The following ZFP28 variants were observed in gnomAD, a reference collection of about 807,000 sequenced individuals.
The protein encoded by ZFP28 is zinc finger protein 28 homolog.
Under a neutral mutation model 39.5 loss-of-function variants are expected in ZFP28, and 31 were observed. The observed-to-expected ratio is 0.79, with a 90% CI of 0.59 to 1.06. The LOEUF is 1.06. ZFP28 is among the 50% of genes least tolerant of loss of function. The pLI is 0.00. For missense variants in ZFP28, 925 were observed against 1,048.4 expected, an observed-to-expected ratio of 0.88 and a Z score of 1.63; for synonymous variants, 400 against 378.6, an observed-to-expected ratio of 1.06 and a Z score of -0.66.
Position 56,554,650 on chromosome 19 carries a change from G to A in ZFP28, c.1865G>A (p.Cys622Tyr). 6.2e-7 allele frequency: 1 copy of A among 1,613,530 alleles called. No individual in the cohort carries two copies. Among genetic ancestry groups the A allele is most frequent in the Non-Finnish European group, 8.5e-7 (1 of 1,179,510 alleles). The stretch of plus-strand genomic sequence containing the variant: ...GAGAAGCCTTTTGAATGTGCGGAGT[G>A]TGGAAAATCCTTCAGCATCAGTTCT... ...TGEKPFECAE[C>Y]GKSFSISSQL... The change falls in exon 8 of 8, where the codon TGT (cysteine) becomes TAT (tyrosine). Residue 622 changes from cysteine to tyrosine, a missense_variant. Physicochemically the swap from Cys to Tyr is radical, Grantham distance 194 (BLOSUM62 -2). This residue lies in a region of ZFP28 where 369 missense variants were observed against 505.5 expected (regional missense o/e 0.73). Coordinates refer to ENST00000301318, the MANE Select transcript of ZFP28 (RefSeq NM_020828.2). The surrounding 1 kb of genome is among the most constrained non-coding windows in gnomAD (Gnocchi z 6.7).
intron 6 of ZFP28, 80 bp downstream of exon 6, chr19:56,550,261 G>A (rs566558464): frequency 7.4e-7 from 1 of 1,348,534 alleles, no homozygotes; most frequent in African/African-American, 1.4e-5. Context: ...TTATGGAGGA[G>A]GGAGGGGGTG....
At chr19:56,541,911 G>C (rs1269965633) in intron 2 of ZFP28, among the ~76,000 whole-genome samples, 1 of 81,076 alleles carries the variant, frequency 1.2e-5, no homozygotes, top group African/African-American at 5.2e-5. Context: ...TTTTTTTTTA[G>C]AGACAGGGTT....
chr19:56,537,398 C>G (rs962464081), upstream of ZFP28, among the ~76,000 whole-genome samples: 4 of 152,148 alleles, frequency 2.6e-5, no homozygotes, highest in African/African-American at 9.7e-5. Context: ...ATCCACCAAA[C>G]CCCCAGCAAA....
chr19:56,543,257 A>G (rs981577792), intron 2 of ZFP28, among the ~76,000 whole-genome samples: 1 of 149,702 alleles, frequency 6.7e-6, no homozygotes, highest in South Asian at 2.1e-4. Context: ...GTAAGTATAA[A>G]GTTGCTTTTA....
intron 2 of ZFP28, among the ~76,000 whole-genome samples, chr19:56,541,874 CTAATTTTT>C (rs2044198475): frequency 7.7e-6 from 1 of 129,066 alleles, no homozygotes; most frequent in Non-Finnish European, 1.6e-5. Context: ...CCACACCTGG[CTAATTTTT>C]TTTTTTTTTT....
At chr19:56,543,883 T>C (rs1481851351) in intron 2 of ZFP28, among the ~76,000 whole-genome samples, 2 of 152,214 alleles carry the variant, frequency 1.3e-5, no homozygotes, top group African/African-American at 2.4e-5. Context: ...ACTGCTATTA[T>C]CAAAGTGGAA....
chr19:56,552,994 G>A (rs992359008), intron 7 of ZFP28: 1 of 152,140 alleles, frequency 6.6e-6, no homozygotes, highest in Admixed American at 6.5e-5. Flanking sequence ...AGTATATTAT[G>A]TGAGGTGATA....
chr19:56,542,277 C>T lies in ZFP28; in HGVS notation c.300+2561C>T, dbSNP rs1281648523. Among the ~76,000 whole-genome samples, 8 of 152,182 alleles carry T rather than the reference C, an allele frequency of 5.3e-5. No individual in the cohort carries two copies. The South Asian group carries it at 1.5e-3, about 28-fold the overall frequency. ...CAAGCAGTGCTCCCATCTCAGCCTC[C>T]GAAGTAGCTGGAATTACAGGCATGT... On this transcript the variant is annotated intron_variant, in intron 2 of 7. Transcript: ENST00000301318.
Position 56,555,135 on chromosome 19 carries a change from C to T in ZFP28, c.2350C>T (p.Pro784Ser). ...VHQRIHSGKK[P>S]YECKECRKTF... ...TCAGAGAATCCATTCTGGAAAGAAACCATATGAATGTAAGGAATGTAGGAA... is the reference window on the plus strand; with the variant it reads ...TCAGAGAATCCATTCTGGAAAGAAATCATATGAATGTAAGGAATGTAGGAA... Residue 784 changes from proline (P) to serine (S), a missense_variant, in exon 8 of 8, where the codon CCA (proline) becomes TCA (serine). Coordinates refer to ENST00000301318, the MANE Select transcript of ZFP28 (RefSeq NM_020828.2). 6.2e-7 allele frequency: 1 copy of T among 1,614,166 alleles called. No individual in the cohort carries two copies. The highest frequency in any genetic ancestry group is 8.5e-7 in the Non-Finnish European group (1 of 1,180,030).
chr19:56,551,139 G>A, intron 7 of ZFP28: 1 of 1,009,456 alleles, frequency 9.9e-7, no homozygotes, highest in Non-Finnish European at 1.2e-6. Context: ...TTCAAATAGG[G>A]CATTATAGAG....
At chr19:56,550,041 T>TA (rs1229503269) in intron 5 of ZFP28, 26 bp from the exon 6 acceptor site, 1 of 1,584,558 alleles carries the variant, frequency 6.3e-7, no homozygotes, top group Admixed American at 1.8e-5. Context: ...TGGTTTGATT[T>TA]AAAAAACGTG....
chr19:56,554,455 G>C lies in ZFP28; in HGVS notation c.1670G>C (p.Gly557Ala), dbSNP rs2044333210. The C allele has an allele frequency of 6.2e-7, 1 of 1,614,188 alleles. No homozygotes were observed. The highest frequency in any genetic ancestry group is 8.5e-7 in the Non-Finnish European group (1 of 1,180,038). ...ACTGTACATCAAAGGATTCATACCG[G>C]AGAAAAACCATATGAATGTGATGTT... ...SLTVHQRIHT[G>A]EKPYECDVCR... Residue 557 changes from glycine (G) to alanine (A), a missense_variant, in exon 8 of 8, where the codon GGA (glycine) becomes GCA (alanine). Transcript: ENST00000301318. This position sits in a 1 kb window ranked among gnomAD's most constrained non-coding sequence, Gnocchi z 6.7.
At chr19:56,542,796 C>T (rs1042108417) in intron 2 of ZFP28, among the ~76,000 whole-genome samples, 2 of 152,032 alleles carry the variant, frequency 1.3e-5, no homozygotes, top group Non-Finnish European at 2.9e-5. Context: ...GACAGGGTCT[C>T]ACTCTGTCAC....
Position 56,556,708 on chromosome 19 carries a change from TAAAG to T in ZFP28, c.*1317_*1320del, listed in dbSNP as rs946330325. On this transcript the variant is annotated 3_prime_UTR_variant, in exon 8 of 8. Coordinates refer to ENST00000301318, the MANE Select transcript of ZFP28 (RefSeq NM_020828.2). ...ACATCAGAAACAAGAAAACAAATGA[TAAAG>T]GAACTCATTTATCAATAGAGGTGAA... The T allele has an allele frequency of 8.6e-5, 13 of 151,936 alleles. No homozygotes were observed. The highest frequency in any genetic ancestry group is 1.6e-4 in the Non-Finnish European group (11 of 67,980). The allele number at this position is 151,936 out of a possible 1,614,324, so 9.4% of individuals were successfully genotyped here. A position where few individuals can be genotyped will look rare whatever the true frequency, so the allele number is the denominator to read the frequency against.
chr19:56,540,570 G>A (rs117105726), intron 2 of ZFP28, among the ~76,000 whole-genome samples: 1,736 of 152,314 alleles, frequency 0.011, 14 homozygotes, highest in Non-Finnish European at 0.019. Flanking sequence ...ATTACCAGAT[G>A]CAGTGCTCAA....
intron 7 of ZFP28, chr19:56,551,689 AAC>A: frequency 1.0e-6 from 1 of 985,192 alleles, no homozygotes; most frequent in African/African-American, 1.7e-5. Flanking sequence ...TTTACATGAA[AAC>A]TTTTGCTCAT....
At chr19:56,551,597 T>C (rs1209249164) in intron 7 of ZFP28, 1 of 985,292 alleles carries the variant, frequency 1.0e-6, no homozygotes, top group Non-Finnish European at 1.2e-6. Context: ...GAGCACCTGC[T>C]AGGCTCTGAA....
chr19:56,544,853 C>T (rs973650414), intron 2 of ZFP28: 7 of 152,090 alleles, frequency 4.6e-5, no homozygotes, highest in Admixed American at 2.0e-4. Context: ...AAGAGCTGTC[C>T]GAATAAACAG....
At chr19:56,548,932 A>G (rs1388833213) in intron 4 of ZFP28, 26 bp from the exon 5 acceptor site, 2 of 1,588,872 alleles carry the variant, frequency 1.3e-6, no homozygotes, top group Non-Finnish European at 1.7e-6. Context: ...GATAAAAGAT[A>G]AATTTACCTT....
Sources: allele counts gnomAD v4.1 joint callset (sites outside exome capture counted in the v4.1 genomes callset), GRCh38; gene constraint gnomAD v4.1.1; regional missense constraint gnomAD v4.1.1; non-coding constraint Gnocchi (gnomAD v3.1); transcripts MANE v1.5; gene names NCBI Gene and HGNC (gene_info 2026-07-23, HGNC 2026-07-21).